Variants in MAF observed in about 807,000 individuals in gnomAD.
MAF encodes MAF bZIP transcription factor.
MAF carries 10 observed loss-of-function variants against 22.0 expected under a neutral mutation model. The observed-to-expected ratio is 0.45, with a 90% CI of 0.28 to 0.77. MAF has a LOEUF of 0.77. MAF is among the 30% of genes least tolerant of loss of function. The probability of loss-of-function intolerance (pLI) is 0.12; values close to 1 mark genes in which losing one functional copy is unlikely to be tolerated. For missense variants in MAF, 544 were observed against 548.4 expected (o/e 0.99, Z 0.08); for synonymous variants, 337 against 255.8 (o/e 1.32, Z -3.03).
the MAF span, among the ~76,000 whole-genome samples, chr16:79,385,065 T>C: frequency 6.6e-6 from 1 of 152,242 alleles, no homozygotes; most frequent in Non-Finnish European, 1.5e-5. Context: ...TGGAGAATTT[T>C]GCATGTACCT....
the MAF span, among the ~76,000 whole-genome samples, chr16:79,541,951 C>T: frequency 1.3e-5 from 2 of 152,140 alleles, no homozygotes; most frequent in African/African-American, 2.4e-5. Context: ...CCAACAAGCC[C>T]GGTTACTACT....
the MAF span, among the ~76,000 whole-genome samples, chr16:79,475,524 C>T: frequency 3.9e-5 from 6 of 152,074 alleles, no homozygotes; most frequent in East Asian, 1.9e-4. Flanking sequence ...GCCTGTCTAT[C>T]GATCTATCTA....
the MAF span, among the ~76,000 whole-genome samples, chr16:79,403,023 G>A: frequency 2.0e-4 from 31 of 152,282 alleles, no homozygotes; most frequent in Non-Finnish European, 3.8e-4. Flanking sequence ...GCAGACCTGG[G>A]TGAAATCCTG....
chr16:79,359,482 T>G, the MAF span, among the ~76,000 whole-genome samples: 2 of 152,198 alleles, frequency 1.3e-5, no homozygotes, highest in East Asian at 3.8e-4. Context: ...GATCATCCAC[T>G]CAGCCACATC....
At chr16:79,339,196 A>G in the MAF span, among the ~76,000 whole-genome samples, 7 of 151,900 alleles carry the variant, frequency 4.6e-5, no homozygotes, top group African/African-American at 1.7e-4. Flanking sequence ...CAGCCTCTCG[A>G]GTAGCTGGTA....
chr16:79,440,874 G>C, the MAF span, among the ~76,000 whole-genome samples: 1 of 152,202 alleles, frequency 6.6e-6, no homozygotes, highest in African/African-American at 2.4e-5. Context: ...GGAGAGACAG[G>C]AACAAGTGGC....
chr16:79,296,418 G>A, the MAF span, among the ~76,000 whole-genome samples: 1 of 152,094 alleles, frequency 6.6e-6, no homozygotes, highest in Non-Finnish European at 1.5e-5. Context: ...ATGCATGCGG[G>A]GTGTAGTGCC....
At chr16:79,431,706 C>T in the MAF span, among the ~76,000 whole-genome samples, 14 of 152,282 alleles carry the variant, frequency 9.2e-5, no homozygotes, top group South Asian at 2.1e-4. Flanking sequence ...ATAAACCTCC[C>T]GTGATTTCAT....
chr16:79,262,548 G>T, the MAF span, among the ~76,000 whole-genome samples: 1 of 152,142 alleles, frequency 6.6e-6, no homozygotes, highest in Non-Finnish European at 1.5e-5. Context: ...TCCAGCAGAG[G>T]ATACAGCACA....
the MAF span, among the ~76,000 whole-genome samples, chr16:79,441,933 T>A: frequency 0.06 from 9,048 of 152,012 alleles, 359 homozygotes; most frequent in African/African-American, 0.12. Flanking sequence ...AGGGGGAGAT[T>A]TGGACACAGA....
At chr16:79,285,938 C>T in the MAF span, among the ~76,000 whole-genome samples, 2 of 152,202 alleles carry the variant, frequency 1.3e-5, no homozygotes, top group East Asian at 3.9e-4. Context: ...TCTCTGCCCC[C>T]ATATTTAGGG....
At chr16:79,475,855 C>G in the MAF span, among the ~76,000 whole-genome samples, 5 of 152,152 alleles carry the variant, frequency 3.3e-5, no homozygotes, top group African/African-American at 1.2e-4. Context: ...AAGACGACCC[C>G]TGTGTGGCCT....
At chr16:79,392,802 G>C in the MAF span, among the ~76,000 whole-genome samples, 1 of 152,144 alleles carries the variant, frequency 6.6e-6, no homozygotes, top group Admixed American at 6.5e-5. Flanking sequence ...TTTGGCATGT[G>C]AGAACCCTAA....
the MAF span, among the ~76,000 whole-genome samples, chr16:79,505,333 G>A: frequency 4.5e-4 from 68 of 152,276 alleles, no homozygotes; most frequent in African/African-American, 1.6e-3. Flanking sequence ...AGTAACAAGG[G>A]CTTTTCTACT....
At chr16:79,280,574 C>G in the MAF span, among the ~76,000 whole-genome samples, 1 of 152,296 alleles carries the variant, frequency 6.6e-6, no homozygotes, top group Admixed American at 6.5e-5. Context: ...TTTTGAGTTT[C>G]CTAGGGCTGC....
At chr16:79,547,904 G>GAGAGAGAC in the MAF span, among the ~76,000 whole-genome samples, 1,012 of 135,082 alleles carry the variant, frequency 7.5e-3, 23 homozygotes, top group African/African-American at 0.026. Context: ...GTGTGTGTGA[G>GAGAGAGAC]AGAGAGAGAG....
chr16:79,432,028 C>T, the MAF span, among the ~76,000 whole-genome samples: 1 of 152,126 alleles, frequency 6.6e-6, no homozygotes, highest in Non-Finnish European at 1.5e-5. Context: ...TGTGGTTTGA[C>T]TGTGTCCTCA....
chr16:79,447,310 C>T, the MAF span, among the ~76,000 whole-genome samples: 2 of 150,382 alleles, frequency 1.3e-5, no homozygotes, highest in Non-Finnish European at 1.5e-5. Flanking sequence ...TATTTTAATC[C>T]CACTGTTAAG....
chr16:79,363,067 C>G, the MAF span, among the ~76,000 whole-genome samples: 2 of 152,042 alleles, frequency 1.3e-5, no homozygotes, highest in African/African-American at 4.8e-5. Flanking sequence ...TGATATGGGT[C>G]CCTAAAAGGG....
Sources: allele counts gnomAD v4.1 joint callset (sites outside exome capture counted in the v4.1 genomes callset), GRCh38; gene constraint gnomAD v4.1.1; transcripts MANE v1.5; gene names NCBI Gene and HGNC (gene_info 2026-07-23, HGNC 2026-07-21).